Variants in MROH7 observed in about 807,000 individuals in gnomAD.
The protein encoded by MROH7 is maestro heat like repeat family member 7.
In MROH7, 113 loss-of-function variants were observed where a neutral mutation model predicts 129.2. That is an observed-to-expected ratio of 0.87 (90% CI 0.75 to 1.02). The LOEUF (loss-of-function observed/expected upper bound fraction) is 1.02. MROH7 is among the 50% of genes least tolerant of loss of function. The pLI, the probability that MROH7 is intolerant of heterozygous loss-of-function variation, is 0.00. For synonymous variants in MROH7, 655 were observed against 667.9 expected (o/e 0.98, Z 0.30); for missense variants, 1,601 against 1,671.3 (o/e 0.96, Z 0.73).
chr1:54,686,545 G>T, intron 15 of MROH7, 97 bp downstream of exon 15: 2 of 1,126,922 alleles, frequency 1.8e-6, no homozygotes, highest in South Asian at 1.5e-5. Context: ...TCAATCAATA[G>T]AAATCAGCTT....
Position 54,665,221 on chromosome 1 carries a change from G to T in MROH7, c.1286G>T (p.Gly429Val), listed in dbSNP as rs753726663. ...GTGAAGGTGCCAGAGAAGACAGAAG[G>T]TGGCAACAACATGGCTCTGGTATGC... ...CLVKVPEKTE[G>V]GNNMALVENV... is the part of the protein sequence containing the mutation. The change falls in exon 4 of 24, where the codon GGT (glycine) becomes GTT (valine). Residue 429 changes from glycine to valine, a missense_variant. Gly to Val is a moderately radical substitution (Grantham distance 109). Transcript: ENST00000421030. The T allele has an allele frequency of 4.8e-5, 77 of 1,613,846 alleles. No individual in the cohort carries two copies. In the East Asian group the frequency reaches 1.7e-3, roughly 35 times the overall value.
intron 3 of MROH7, among the ~76,000 whole-genome samples, chr1:54,663,260 G>GT (rs886685047): frequency 9.9e-5 from 15 of 151,798 alleles, no homozygotes; most frequent in African/African-American, 3.1e-4. Context: ...GCTATAATCC[G>GT]TTTTTTTCAC....
At position 54,663,186 on chromosome 1, in the gene MROH7, C is replaced by CATTT. The variant is rs113806263; in HGVS notation, c.1232-1960_1232-1957dup. 3.1e-3 allele frequency among the ~76,000 whole-genome samples: 468 copies of CATTT among 151,784 alleles called. 1 individual carries two copies. The highest frequency in any genetic ancestry group is 6.9e-3 in the African/African-American group (287 of 41,328). ...ATATCCCATTCCTCATCAAACTTTCCATTTATTTATTTATTTATTTATTTG... is the reference window on the plus strand; with the variant it reads ...ATATCCCATTCCTCATCAAACTTTCCATTTATTTATTTATTTATTTATTTATTTG... On this transcript the variant is annotated intron_variant, in intron 3 of 23. Coordinates refer to ENST00000421030, the MANE Select transcript of MROH7 (RefSeq NM_001039464.4).
intron 21 of MROH7, among the ~76,000 whole-genome samples, chr1:54,706,213 G>T (rs892397407): frequency 6.6e-6 from 1 of 152,042 alleles, no homozygotes; most frequent in Admixed American, 6.6e-5. Flanking sequence ...GCAGCAGGGG[G>T]GTAAATTGGA....
chr1:54,648,816 T>A (rs1644510418), intron 1 of MROH7, among the ~76,000 whole-genome samples: 1 of 152,136 alleles, frequency 6.6e-6, no homozygotes, highest in Non-Finnish European at 1.5e-5. Flanking sequence ...GTAGTCGTGA[T>A]GAAGAAATGG....
intron 13 of MROH7, among the ~76,000 whole-genome samples, chr1:54,682,248 T>C (rs1645081898): frequency 1.3e-5 from 2 of 150,676 alleles, no homozygotes; most frequent in Admixed American, 1.3e-4. Context: ...CACTGCAACC[T>C]CTGCCTCCCG....
intron 21 of MROH7, among the ~76,000 whole-genome samples, chr1:54,706,044 G>C (rs993003576): frequency 6.6e-6 from 1 of 152,074 alleles, no homozygotes; most frequent in Non-Finnish European, 1.5e-5. Flanking sequence ...CCCTATTTCT[G>C]TCTGGCTTTT....
chr1:54,704,976 T>C (rs1570002285), intron 21 of MROH7, among the ~76,000 whole-genome samples: 3 of 151,544 alleles, frequency 2.0e-5, no homozygotes, highest in Admixed American at 2.0e-4. Flanking sequence ...ATTTTGTATT[T>C]TTAGTAGAGA....
rs1211381869 is a variant in MROH7, at chr1:54,686,310, T to C, written c.2573T>C (p.Val858Ala). Residue 858 changes from valine to alanine, a missense_variant, in exon 15 of 24, where the codon GTG becomes GCG. Transcript: ENST00000421030. ...LLSVNSCMGR[V>A]RRIYPQLLLA... ...TCCGTCAACAGCTGCATGGGCCGTG[T>C]GAGGCGCATCTACCCTCAGCTGCTC... The C allele has an allele frequency of 7.4e-6, 12 of 1,614,028 alleles. No individual in the cohort carries two copies. The highest frequency in any genetic ancestry group is 4.2e-6 in the Non-Finnish European group (5 of 1,180,034).
chr1:54,665,278 G>A, intron 4 of MROH7, 38 bp downstream of exon 4: 1 of 1,556,126 alleles, frequency 6.4e-7, no homozygotes, highest in Non-Finnish European at 8.9e-7. Flanking sequence ...ACTGTGCTGG[G>A]ATACTTCCAT....
rs983608828 is a variant in MROH7, at chr1:54,708,437, C to CAA, written c.3668-575_3668-574dup. Among the ~76,000 whole-genome samples the CAA allele has an allele frequency of 8.5e-5, 13 of 152,058 alleles. No individual in the cohort carries two copies. The South Asian group carries it at 1.5e-3, about 17-fold the overall frequency. ...GTCTAAAAACAAACAAACAAACAAACAAACAATAGTGAGGGAAGGAGCTTC... is the reference window on the plus strand; with the variant it reads ...GTCTAAAAACAAACAAACAAACAAACAAAAACAATAGTGAGGGAAGGAGCTTC... On this transcript the variant is annotated intron_variant, in intron 22 of 23. Transcript: ENST00000421030.
At position 54,709,003 on chromosome 1, in the gene MROH7, T is replaced by G. The variant is rs1277518888; in HGVS notation, c.3668-11T>G. 1 of 1,613,912 alleles carries G rather than the reference T, an allele frequency of 6.2e-7. No individual in the cohort carries two copies. The highest frequency in any genetic ancestry group is 8.5e-7 in the Non-Finnish European group (1 of 1,179,936). On this transcript the variant is annotated splice_polypyrimidine_tract_variant and intron_variant, in intron 22 of 23. Coordinates refer to ENST00000421030, the MANE Select transcript of MROH7 (RefSeq NM_001039464.4). ...AAGACAAATGCCCTCACTTCTTGGA[T>G]TACGCTCAAGGGTCCCTGGTCCCCT... is the stretch of plus-strand genomic sequence containing the variant.
At chr1:54,649,493 C>A (rs1044755720) in intron 1 of MROH7, among the ~76,000 whole-genome samples, 1 of 152,252 alleles carries the variant, frequency 6.6e-6, no homozygotes, top group Non-Finnish European at 1.5e-5. Context: ...CACTGCCAGG[C>A]AGCTCTGAAG....
chr1:54,642,838 C>T (rs1237072712), intron 1 of MROH7, among the ~76,000 whole-genome samples: 1 of 152,196 alleles, frequency 6.6e-6, no homozygotes, highest in African/African-American at 2.4e-5. Context: ...TGGCCTTGAA[C>T]TCCTGAGCTC....
chr1:54,695,631 C>A (rs1440175035), intron 17 of MROH7, 141 bp downstream of exon 17: 1 of 711,582 alleles, frequency 1.4e-6, no homozygotes, highest in Non-Finnish European at 2.6e-6. Context: ...CTATGATGAT[C>A]TTGTTGGTCT....
chr1:54,700,388 T>C lies in MROH7; in HGVS notation c.3032T>C (p.Leu1011Pro). ...EYSLGRMAEG[L>P]SHHDPIMKVL... ...TCTCTGGGGCGGATGGCAGAAGGCCTGAGCCACCACGACCCCATCATGAAG... is the reference window on the plus strand; with the variant it reads ...TCTCTGGGGCGGATGGCAGAAGGCCCGAGCCACCACGACCCCATCATGAAG... Residue 1011 changes from leucine (L) to proline (P), a missense_variant, in exon 18 of 24, where the codon CTG becomes CCG. Coordinates refer to ENST00000421030, the MANE Select transcript of MROH7 (RefSeq NM_001039464.4). 6.2e-7 allele frequency: 1 copy of C among 1,614,056 alleles called. No individual in the cohort carries two copies. The highest frequency in any genetic ancestry group is 8.5e-7 in the Non-Finnish European group (1 of 1,179,972).
rs1417283710 is a variant in MROH7, at chr1:54,695,421, C to G, written c.2895C>G (p.Tyr965Ter). The G allele has an allele frequency of 1.2e-6, 2 of 1,613,798 alleles. No individual in the cohort carries two copies. The highest frequency in any genetic ancestry group is 1.7e-6 in the Non-Finnish European group (2 of 1,179,874). The change falls in exon 17 of 24, where the codon TAC (tyrosine) becomes TAG (stop). Residue 965 changes from tyrosine (Y) to a stop codon, truncating the protein, a stop_gained. Transcript: ENST00000421030. LOFTEE classifies it high-confidence loss of function. ...GCCAGGAGCTGTGCCGCATCCTCTA[C>G]CTGCTCATCCCGCTCCTGGAGCGAG... is the stretch of plus-strand genomic sequence containing the variant. ...YSCQELCRIL[Y>*]LLIPLLERGD...
Position 54,703,889 on chromosome 1 carries a change from T to C in MROH7, c.3564+1144T>C, listed in dbSNP as rs532159265. On this transcript the variant is annotated intron_variant, in intron 21 of 23. Coordinates refer to ENST00000421030, the MANE Select transcript of MROH7 (RefSeq NM_001039464.4). This position sits in a 1 kb window ranked among gnomAD's most constrained non-coding sequence, Gnocchi z 4.4. ...GCCTCAGCCAACACTGCCACGAGAT[T>C]CCCAAATTTGGCCTGGGGGTCAGGT... Among the ~76,000 whole-genome samples the C allele has an allele frequency of 6.6e-6, 1 of 152,214 alleles. No homozygotes were observed. The highest frequency in any genetic ancestry group is 2.4e-5 in the African/African-American group (1 of 41,542).
chr1:54,668,716 G>A lies in MROH7; in HGVS notation c.1306-138G>A, dbSNP rs1052053071. On this transcript the variant is annotated intron_variant, in intron 4 of 23. Transcript: ENST00000421030. The stretch of plus-strand genomic sequence containing the variant: ...TTACCCCACCCCAAGCTCCCCTTGT[G>A]GGGACCTCTCATTTCTCTTGCACCA... 6 of 642,766 alleles carry A rather than the reference G, an allele frequency of 9.3e-6. No homozygotes were observed. In the South Asian group the frequency reaches 1.0e-4, roughly 11 times the overall value. 39.8% of individuals were successfully genotyped at this position (642,766 alleles called of 1,614,324 possible). A position where few individuals can be genotyped will look rare whatever the true frequency, so the allele number is the denominator to read the frequency against.
Sources: allele counts gnomAD v4.1 joint callset (sites outside exome capture counted in the v4.1 genomes callset), GRCh38; gene constraint gnomAD v4.1.1; non-coding constraint Gnocchi (gnomAD v3.1); transcripts MANE v1.5; gene names NCBI Gene and HGNC (gene_info 2026-07-23, HGNC 2026-07-21).